The following POU2F3 variants were observed in gnomAD, a reference collection of about 807,000 sequenced individuals.
POU2F3 encodes the protein POU class 2 homeobox 3.
In POU2F3, 23 loss-of-function variants were observed where a neutral mutation model predicts 59.2. The ratio of observed to expected loss-of-function variants is 0.39; its 90% CI spans 0.28 to 0.55. POU2F3 has a LOEUF of 0.55. Among genes scored for constraint, POU2F3 ranks in the 20% least tolerant of loss-of-function variants. The pLI, the probability that POU2F3 is intolerant of heterozygous loss-of-function variation, is 0.66. For synonymous variants in POU2F3, 190 were observed against 214.6 expected, an observed-to-expected ratio of 0.89 and a Z score of 1.00; for missense variants, 473 against 544.5, an observed-to-expected ratio of 0.87 and a Z score of 1.31.
At position 120,258,876 on chromosome 11, in the gene POU2F3, G is replaced by A. The variant is rs1217203421; in HGVS notation, c.98-10334G>A. 2.6e-5 allele frequency: 4 copies of A among 152,402 alleles called. No individual in the cohort carries two copies. The East Asian group carries it at 7.7e-4, about 29-fold the overall frequency. 9.4% of individuals were successfully genotyped at this position (152,402 alleles called of 1,614,324 possible). A position where few individuals can be genotyped will look rare whatever the true frequency, so the allele number is the denominator to read the frequency against. The stretch of plus-strand genomic sequence containing the variant: ...GTGGCCAACAGGGGATGGGGTTGAG[G>A]CAGGGATCTCCTGTTGCATGGGAAG... On this transcript the variant is annotated intron_variant, in intron 2 of 12. Transcript: ENST00000543440.
rs761589882 is a variant in POU2F3 at position 120,269,214 on chromosome 11, T to C, written c.102T>C (p.Asn34=). The change falls in exon 3 of 13, where the codon AAT becomes AAC. Residue 34 remains asparagine, a synonymous_variant. Coordinates refer to ENST00000543440, the MANE Select transcript of POU2F3 (RefSeq NM_014352.4). Reference sequence around the variant, plus strand: ...ATATATTTTTATCTTTTCTAGGAAATGATCGAAATGGCCTAGATTTCAACA... The same window carrying C: ...ATATATTTTTATCTTTTCTAGGAAACGATCGAAATGGCCTAGATTTCAACA... ...RSTLSQVEPG[N]DRNGLDFNRQ... The C allele has an allele frequency of 6.3e-7, 1 of 1,583,382 alleles. No homozygotes were observed. Among genetic ancestry groups the C allele is most frequent in the South Asian group, 1.1e-5 (1 of 90,224 alleles).
At chr11:120,282,303 A>T (rs968945315) in intron 3 of POU2F3, among the ~76,000 whole-genome samples, 2 of 152,252 alleles carry the variant, frequency 1.3e-5, no homozygotes, top group African/African-American at 4.8e-5. Flanking sequence ...GAAATGTTGT[A>T]TACAAATCAA....
chr11:120,265,083 T>C (rs1187931658), intron 2 of POU2F3, among the ~76,000 whole-genome samples: 1 of 152,208 alleles, frequency 6.6e-6, no homozygotes, highest in Non-Finnish European at 1.5e-5. Flanking sequence ...CATGCCTTCC[T>C]GTAGGCTGGG....
At chr11:120,287,228 C>T (rs892156011) in intron 3 of POU2F3, among the ~76,000 whole-genome samples, 3 of 152,208 alleles carry the variant, frequency 2.0e-5, no homozygotes, top group African/African-American at 4.8e-5. Context: ...TAGATTCAAG[C>T]TCTGCCACTT....
chr11:120,306,386 G>T (rs1051102608), intron 8 of POU2F3, among the ~76,000 whole-genome samples: 1 of 152,110 alleles, frequency 6.6e-6, no homozygotes, highest in Non-Finnish European at 1.5e-5. Flanking sequence ...CTCACATTTG[G>T]CAGCAGGGAC....
At chr11:120,299,847 A>G in intron 5 of POU2F3, 121 bp downstream of exon 5, 1 of 755,134 alleles carries the variant, frequency 1.3e-6, no homozygotes, top group Non-Finnish European at 2.1e-6. Flanking sequence ...CCCATCTGCT[A>G]TTAAGACCTA....
intron 1 of POU2F3, among the ~76,000 whole-genome samples, chr11:120,241,256 A>T (rs1398548216): frequency 6.6e-6 from 1 of 152,166 alleles, no homozygotes. Context: ...AGTGGGCAGG[A>T]CCCAGTGATC....
chr11:120,276,923 G>A (rs1280977688), intron 3 of POU2F3, among the ~76,000 whole-genome samples: 1 of 151,946 alleles, frequency 6.6e-6, no homozygotes, highest in Non-Finnish European at 1.5e-5. Context: ...CGAGGTGGGT[G>A]GATCACCTGA....
At chr11:120,286,934 C>G (rs537737808) in intron 3 of POU2F3, among the ~76,000 whole-genome samples, 30 of 152,172 alleles carry the variant, frequency 2.0e-4, no homozygotes, top group African/African-American at 7.0e-4. Flanking sequence ...TGATAACATT[C>G]TTAGCCACAG....
upstream of POU2F3, chr11:120,236,664 A>AT (rs1565346508): frequency 6.7e-7 from 1 of 1,499,594 alleles, no homozygotes; most frequent in Admixed American, 2.0e-5. Context: ...GAGCTCAAAA[A>AT]ACCGGTTTCA....
intron 3 of POU2F3, among the ~76,000 whole-genome samples, chr11:120,296,840 T>C (rs1941204720): frequency 6.6e-6 from 1 of 152,234 alleles, no homozygotes; most frequent in Non-Finnish European, 1.5e-5. Flanking sequence ...CTATGAATAG[T>C]GTTGCGATGA....
chr11:120,272,820 A>G lies in POU2F3; in HGVS notation c.132+3576A>G, dbSNP rs879729084. ...GATAGACTTGAGAGGCAACAGGCTA[A>G]GGCCCTGGATAGGGACTCAGAAGTC... On this transcript the variant is annotated intron_variant, in intron 3 of 12. Coordinates refer to ENST00000543440, the MANE Select transcript of POU2F3 (RefSeq NM_014352.4). 4.4e-4 allele frequency among the ~76,000 whole-genome samples: 67 copies of G among 152,348 alleles called. 1 individual carries two copies. Among genetic ancestry groups the G allele is most frequent in the Admixed American group, 5.9e-4 (9 of 15,312 alleles).
intron 2 of POU2F3, among the ~76,000 whole-genome samples, chr11:120,266,339 C>G (rs760500860): frequency 6.6e-6 from 1 of 152,144 alleles, no homozygotes; most frequent in South Asian, 2.1e-4. Flanking sequence ...CTATCCAGCC[C>G]GCTGCCCTCC....
chr11:120,286,703 C>T (rs1267343176), intron 3 of POU2F3, among the ~76,000 whole-genome samples: 3 of 152,158 alleles, frequency 2.0e-5, no homozygotes, highest in Non-Finnish European at 4.4e-5. Flanking sequence ...AGTCTTTTTT[C>T]ATATAAATTG....
chr11:120,252,319 G>A (rs1939142398), intron 2 of POU2F3, among the ~76,000 whole-genome samples: 2 of 149,130 alleles, frequency 1.3e-5, no homozygotes, highest in Admixed American at 6.8e-5. Context: ...CGATTCTCCT[G>A]CCTCAGCCTT....
intron 1 of POU2F3, among the ~76,000 whole-genome samples, chr11:120,245,123 T>G (rs921325177): frequency 6.6e-6 from 1 of 152,114 alleles, no homozygotes; most frequent in East Asian, 1.9e-4. Flanking sequence ...GACTCCTGAC[T>G]TTCTCCCCTA....
intron 5 of POU2F3, chr11:120,301,055 C>T (rs545129606): frequency 2.0e-5 from 9 of 456,096 alleles, no homozygotes; most frequent in Non-Finnish European, 3.1e-5. Context: ...GACTGGAGAG[C>T]GACATGAAAA....
At chr11:120,311,762 G>C (rs1223512262) in intron 10 of POU2F3, among the ~76,000 whole-genome samples, 5 of 152,154 alleles carry the variant, frequency 3.3e-5, no homozygotes, top group Non-Finnish European at 4.4e-5. Flanking sequence ...GTGTGCAGGT[G>C]GTGGGTGAAA....
At chr11:120,312,078 G>A (rs1941662761) in intron 10 of POU2F3, among the ~76,000 whole-genome samples, 1 of 152,188 alleles carries the variant, frequency 6.6e-6, no homozygotes, top group Admixed American at 6.5e-5. Flanking sequence ...GTACAAGGCA[G>A]AAGGAACAGC....
Sources: allele counts gnomAD v4.1 joint callset (sites outside exome capture counted in the v4.1 genomes callset), GRCh38; gene constraint gnomAD v4.1.1; transcripts MANE v1.5; gene names NCBI Gene and HGNC (gene_info 2026-07-23, HGNC 2026-07-21).